Variants in TOGARAM1 observed in about 807,000 individuals in gnomAD.
TOGARAM1 encodes TOG array regulator of axonemal microtubules protein 1.
TOGARAM1 carries 100 observed loss-of-function variants against 166.6 expected under a neutral mutation model. The observed-to-expected ratio is 0.60, with a 90% confidence interval of 0.51 to 0.71. The LOEUF (loss-of-function observed/expected upper bound fraction) is 0.71. Ranked by LOEUF, TOGARAM1 falls within the 30% of genes least tolerant of loss-of-function variation. The pLI is 0.00. For missense variants in TOGARAM1, 2,029 were observed against 2,102.7 expected, an observed-to-expected ratio of 0.96 and a Z score of 0.69; for synonymous variants, 758 against 763.8, an observed-to-expected ratio of 0.99 and a Z score of 0.13.
chr14:45,046,634 C>T lies in TOGARAM1; in HGVS notation c.4244C>T (p.Ala1415Val), dbSNP rs755690037. 7.8e-6 allele frequency: 11 copies of T among 1,414,758 alleles called. No homozygotes were observed. The South Asian group carries it at 1.2e-4, about 15-fold the overall frequency. The allele number at this position is 1,414,758 out of a possible 1,614,324, so 87.6% of individuals were successfully genotyped here. A position where few individuals can be genotyped will look rare whatever the true frequency, so the allele number is the denominator to read the frequency against. Residue 1415 changes from alanine to valine, a missense_variant, in exon 14 of 20, where the codon GCA becomes GTA. Ala to Val is a moderately conservative substitution (Grantham distance 64, BLOSUM62 0). This residue lies in a region of TOGARAM1 where 576 missense variants were observed against 670.5 expected (regional missense o/e 0.86). Transcript: ENST00000361462. ...FMEPERILSA[A>V]KDMAERILPA... ...GAACCAGAACGTATTTTATCTGCAG[C>T]AAAGGATATGGCTGAACGCATATTA... is the stretch of plus-strand genomic sequence containing the variant.
chr14:44,987,625 G>A (rs1038793499), intron 1 of TOGARAM1, among the ~76,000 whole-genome samples: 5 of 150,340 alleles, frequency 3.3e-5, no homozygotes, highest in Non-Finnish European at 7.4e-5. Flanking sequence ...GAGAGGATGT[G>A]GAGAAATAGG....
At chr14:44,978,176 G>A (rs184411921) in intron 1 of TOGARAM1, 2 of 152,288 alleles carry the variant, frequency 1.3e-5, no homozygotes, top group East Asian at 3.9e-4. Flanking sequence ...AGTAGTTTGA[G>A]AATCATGAAG....
At chr14:44,986,130 T>G (rs79854963) in intron 1 of TOGARAM1, among the ~76,000 whole-genome samples, 4,101 of 152,262 alleles carry the variant, frequency 0.027, 153 homozygotes, top group Admixed American at 0.11. Context: ...TTTAAGAAAT[T>G]TAAGTTAATT....
chr14:45,071,291 T>G (rs1022045304), intron 18 of TOGARAM1, among the ~76,000 whole-genome samples: 6 of 152,144 alleles, frequency 3.9e-5, no homozygotes, highest in African/African-American at 1.4e-4. Flanking sequence ...GGCAGTTTTT[T>G]TTTTTTTTTT....
At chr14:45,031,647 T>C (rs138567722) in intron 10 of TOGARAM1, among the ~76,000 whole-genome samples, 1 of 152,344 alleles carries the variant, frequency 6.6e-6, no homozygotes, top group East Asian at 1.9e-4. Context: ...TTATGACTCA[T>C]GACTGAAAAA....
chr14:44,979,122 G>A (rs1053999334), intron 1 of TOGARAM1, among the ~76,000 whole-genome samples: 5 of 151,846 alleles, frequency 3.3e-5, no homozygotes, highest in African/African-American at 1.2e-4. Flanking sequence ...TTGTGATTGT[G>A]GACTTGACAT....
chr14:45,040,508 G>T (rs1881671432), intron 11 of TOGARAM1, among the ~76,000 whole-genome samples: 1 of 151,620 alleles, frequency 6.6e-6, no homozygotes, highest in Non-Finnish European at 1.5e-5. Flanking sequence ...GCAAAAGCAG[G>T]TTCTTGGAAG....
intron 3 of TOGARAM1, among the ~76,000 whole-genome samples, chr14:45,000,107 T>C (rs955306520): frequency 1.3e-5 from 2 of 152,090 alleles, no homozygotes; most frequent in African/African-American, 4.8e-5. Context: ...TGAGCAATTC[T>C]CCTGTCTCAG....
Position 45,070,910 on chromosome 14 carries a change from CTGTTGTTGTTGT to C in TOGARAM1, c.4970-785_4970-774del, listed in dbSNP as rs60368970. On this transcript the variant is annotated intron_variant, in intron 18 of 19. Coordinates refer to ENST00000361462, the MANE Select transcript of TOGARAM1 (RefSeq NM_001308120.2). ...AAATGTAAAAACTGCTTCCCTTTTT[CTGTTGTTGTTGT>C]TGTTGTTGTTGTTGTTTTGAGACGG... 1.6e-3 allele frequency among the ~76,000 whole-genome samples: 244 copies of C among 151,644 alleles called. 1 individual carries two copies. Among genetic ancestry groups the C allele is most frequent in the African/African-American group, 1.9e-3 (79 of 41,354 alleles).
rs548088733 is a variant in TOGARAM1 at position 45,013,137 on chromosome 14, T to C, written c.3238+1062T>C. The stretch of plus-strand genomic sequence containing the variant: ...ACCACCATCAGTACCATTTCCTATC[T>C]CTTTGCAAATGCACATACTGTTTTT... On this transcript the variant is annotated intron_variant, in intron 7 of 19. Coordinates refer to ENST00000361462, the MANE Select transcript of TOGARAM1 (RefSeq NM_001308120.2). Among the ~76,000 whole-genome samples, 6 of 152,314 alleles carry C rather than the reference T, an allele frequency of 3.9e-5. No homozygotes were observed. In the East Asian group the frequency reaches 1.2e-3, roughly 29 times the overall value.
chr14:45,032,402 A>C, intron 11 of TOGARAM1, 26 bp downstream of exon 11: 1 of 1,590,596 alleles, frequency 6.3e-7, no homozygotes, highest in Non-Finnish European at 8.5e-7. Context: ...TTAACTTAAA[A>C]CTAAGCAGAG....
rs1320073487 is a variant in TOGARAM1 at position 45,045,694 on chromosome 14, CAT to C, written c.4154+831_4154+832del. On this transcript the variant is annotated intron_variant, in intron 13 of 19. Coordinates refer to ENST00000361462, the MANE Select transcript of TOGARAM1 (RefSeq NM_001308120.2). ...GTGTATATATATACACATATATACA[CAT>C]ATATATGTGTATATATATACACATA... 2.4e-3 allele frequency among the ~76,000 whole-genome samples: 282 copies of C among 115,390 alleles called. 2 individuals are homozygous for C. The highest frequency in any genetic ancestry group is 5.3e-3 in the African/African-American group (156 of 29,172). The allele number at this position is 115,390 out of a possible 152,430, so 75.7% of individuals were successfully genotyped here.
intron 16 of TOGARAM1, among the ~76,000 whole-genome samples, chr14:45,066,308 G>A (rs903937058): frequency 6.6e-6 from 1 of 152,130 alleles, no homozygotes; most frequent in Admixed American, 6.6e-5. Context: ...TCCCTCAGCT[G>A]ATTTTGTTTG....
Position 45,006,195 on chromosome 14 carries a change from G to A in TOGARAM1, c.2832G>A (p.Lys944=). 1 of 1,613,716 alleles carries A rather than the reference G, an allele frequency of 6.2e-7. No homozygotes were observed. ...HKKKEPDDIW[K]CEKDSLPIDL... ...AGAAAGAGCCTGATGATATTTGGAA[G>A]TGTGAAAAAGATAGTCTTCCAATTG... The change falls in exon 5 of 20, where the codon AAG becomes AAA. Residue 944 remains lysine, a synonymous_variant. Transcript: ENST00000361462.
At chr14:44,976,863 G>A (rs1480586045) in intron 1 of TOGARAM1, among the ~76,000 whole-genome samples, 6 of 152,014 alleles carry the variant, frequency 3.9e-5, no homozygotes, top group African/African-American at 1.5e-4. Context: ...AAATAGTTTC[G>A]ATGTCAGTTA....
rs1349872150 is a variant in TOGARAM1 at position 44,962,977 on chromosome 14, G to T, written c.556G>T (p.Val186Phe). 1.9e-6 allele frequency: 3 copies of T among 1,614,180 alleles called. No individual in the cohort carries two copies. The African/African-American group carries it at 4.0e-5, about 22-fold the overall frequency. ...CTTAGCACTTTTGCCTCAACTAGTT[G>T]TCTCGTTACGGGAAGAGAATCCAGC... is the stretch of plus-strand genomic sequence containing the variant. Reference protein sequence around the residue: ...FSLALLPQLVVSLREENPALR... With the variant: ...FSLALLPQLVFSLREENPALR... Residue 186 changes from valine (V) to phenylalanine (F), a missense_variant, in exon 1 of 20, where the codon GTC (valine) becomes TTC (phenylalanine). Val to Phe is a conservative substitution (Grantham distance 50, BLOSUM62 -1). This residue lies in a region of TOGARAM1 where 1,453 missense variants were observed against 1,432.2 expected (regional missense o/e 1.01). Transcript: ENST00000361462.
chr14:45,011,922 A>T, intron 6 of TOGARAM1, 53 bp from the exon 7 acceptor site: 1 of 1,262,232 alleles, frequency 7.9e-7, no homozygotes, highest in South Asian at 1.3e-5. Flanking sequence ...TGATGTGAGT[A>T]TTGAACAGCA....
chr14:45,056,678 C>G (rs776109118), intron 16 of TOGARAM1, among the ~76,000 whole-genome samples: 2 of 151,662 alleles, frequency 1.3e-5, no homozygotes, highest in Non-Finnish European at 2.9e-5. Flanking sequence ...TTTTTAATTC[C>G]GTGTGTTAAA....
chr14:44,983,106 C>G (rs894422645), intron 1 of TOGARAM1, among the ~76,000 whole-genome samples: 1 of 152,058 alleles, frequency 6.6e-6, no homozygotes, highest in Admixed American at 6.6e-5. Context: ...TTAAACATGC[C>G]GACTCTGTGT....
Sources: gnomAD v4.1 joint callset for allele counts (sites outside exome capture counted in the v4.1 genomes callset) on GRCh38, gnomAD v4.1.1 for gene constraint, gnomAD v4.1.1 regional missense constraint, MANE v1.5 for transcripts, NCBI Gene and HGNC (gene_info 2026-07-23, HGNC 2026-07-21) for gene names.